Variants in TAF4B observed in about 807,000 individuals in gnomAD.
The protein encoded by TAF4B is TATA-box binding protein associated factor 4b.
A neutral mutation model predicts 86.4 loss-of-function variants in TAF4B; 38 were observed. The ratio of observed to expected loss-of-function variants is 0.44; its 90% CI spans 0.34 to 0.58. TAF4B has a LOEUF of 0.58. TAF4B is among the 20% of genes least tolerant of loss of function. The pLI is 0.02. For synonymous variants in TAF4B, 388 were observed against 391.2 expected (o/e 0.99, Z 0.10); for missense variants, 988 against 1,027.6 (o/e 0.96, Z 0.53).
intron 11 of TAF4B, among the ~76,000 whole-genome samples, chr18:26,322,767 C>G (rs1415933606): frequency 6.6e-6 from 1 of 151,706 alleles, no homozygotes; most frequent in Non-Finnish European, 1.5e-5. Flanking sequence ...ATATTATTTT[C>G]CTTCTAAGCT....
chr18:26,382,218 G>C (rs1012586622), intron 14 of TAF4B, among the ~76,000 whole-genome samples: 6 of 152,162 alleles, frequency 3.9e-5, no homozygotes, highest in African/African-American at 1.4e-4. Context: ...AAAATAATAG[G>C]TAAAACCGAT....
At chr18:26,268,988 G>T (rs1424647283) in intron 3 of TAF4B, among the ~76,000 whole-genome samples, 1 of 151,726 alleles carries the variant, frequency 6.6e-6, no homozygotes, top group East Asian at 1.9e-4. Context: ...ATGCCCAGCT[G>T]ATTTTTTGTA....
intron 13 of TAF4B, among the ~76,000 whole-genome samples, chr18:26,344,369 TA>T (rs530661553): frequency 1.5e-4 from 22 of 147,446 alleles, no homozygotes; most frequent in African/African-American, 4.3e-4. Context: ...TTTTTTTTTT[TA>T]AAAAAAAAGG....
chr18:26,361,587 A>G (rs1412904019), intron 14 of TAF4B, among the ~76,000 whole-genome samples: 1 of 151,814 alleles, frequency 6.6e-6, no homozygotes, highest in Non-Finnish European at 1.5e-5. Flanking sequence ...TCTACTAAAA[A>G]TACAAAAATT....
intron 1 of TAF4B, chr18:26,256,481 T>A (rs28376421): frequency 0.041 from 25,730 of 621,232 alleles, 1,263 homozygotes; most frequent in African/African-American, 0.15. Flanking sequence ...TGTTGATTTT[T>A]CTCAGTTGTT....
At chr18:26,315,780 G>A (rs117032868) in intron 10 of TAF4B, among the ~76,000 whole-genome samples, 1 of 152,010 alleles carries the variant, frequency 6.6e-6, no homozygotes, top group African/African-American at 2.4e-5. Context: ...TCCAAAGAAA[G>A]TAACTCCCTT....
At chr18:26,366,538 A>G (rs776335320) in intron 14 of TAF4B, 1 of 152,238 alleles carries the variant, frequency 6.6e-6, no homozygotes, top group African/African-American at 2.4e-5. Context: ...TATGTCTGCC[A>G]TGCTTATAAG....
intron 3 of TAF4B, among the ~76,000 whole-genome samples, chr18:26,268,077 C>A (rs1303456616): frequency 3.3e-5 from 5 of 152,176 alleles, no homozygotes; most frequent in African/African-American, 1.2e-4. Flanking sequence ...GCCTTAATTC[C>A]TACTCTCTGT....
At chr18:26,317,191 G>A (rs1332716385) in intron 10 of TAF4B, among the ~76,000 whole-genome samples, 2 of 151,782 alleles carry the variant, frequency 1.3e-5, no homozygotes, top group African/African-American at 2.4e-5. Flanking sequence ...TACCATGCCC[G>A]GCTAATTTTT....
intron 9 of TAF4B, among the ~76,000 whole-genome samples, chr18:26,313,131 A>AT (rs1028316096): frequency 1.3e-5 from 2 of 152,050 alleles, no homozygotes; most frequent in Non-Finnish European, 2.9e-5. Context: ...GAGCTGCATC[A>AT]TTTTTTTAAG....
At chr18:26,261,421 C>T (rs796209300) in intron 1 of TAF4B, among the ~76,000 whole-genome samples, 18 of 152,150 alleles carry the variant, frequency 1.2e-4, no homozygotes, top group African/African-American at 7.2e-5. Context: ...GGGATGGTCT[C>T]GATCTCCTGA....
At chr18:26,311,125 T>C (rs1568145454) in intron 9 of TAF4B, among the ~76,000 whole-genome samples, 1 of 152,272 alleles carries the variant, frequency 6.6e-6, no homozygotes, top group East Asian at 1.9e-4. Flanking sequence ...ATGATTAATA[T>C]GATCAATAAA....
At chr18:26,267,484 T>C in intron 2 of TAF4B, 32 bp from the exon 3 acceptor site, 2 of 1,447,200 alleles carry the variant, frequency 1.4e-6, no homozygotes, top group South Asian at 2.3e-5. Flanking sequence ...CGCTAATGAC[T>C]TTGTGTTATC....
chr18:26,385,679 G>GTTTTTTTTTTTTTTTT (rs34188640), intron 14 of TAF4B, among the ~76,000 whole-genome samples: 2 of 109,786 alleles, frequency 1.8e-5, no homozygotes. Context: ...AATAAACAGC[G>GTTTTTTTTTTTTTTTT]TTTTTTTTTT....
At chr18:26,242,286 A>G (rs993715685) in intron 1 of TAF4B, among the ~76,000 whole-genome samples, 30 of 152,100 alleles carry the variant, frequency 2.0e-4, no homozygotes, top group Non-Finnish European at 4.0e-4. Context: ...GGGTGCATAT[A>G]TATTTAGGAT....
At chr18:26,234,462 T>C (rs1237227010) in intron 1 of TAF4B, among the ~76,000 whole-genome samples, 2 of 152,244 alleles carry the variant, frequency 1.3e-5, no homozygotes, top group East Asian at 1.9e-4. Flanking sequence ...TTGCTATCTG[T>C]ATACACATTT....
At chr18:26,229,492 TTC>T (rs1370248485) in intron 1 of TAF4B, among the ~76,000 whole-genome samples, 2 of 115,434 alleles carry the variant, frequency 1.7e-5, no homozygotes, top group Non-Finnish European at 3.7e-5. Flanking sequence ...CTTTCTTTCT[TTC>T]TTTTTTTTTT....
At position 26,226,464 on chromosome 18, in the gene TAF4B, T is replaced by C. The variant is rs114166957; in HGVS notation, c.-470T>C. On this transcript the variant is annotated 5_prime_UTR_variant, in exon 1 of 15. Coordinates refer to ENST00000269142, the MANE Select transcript of TAF4B (RefSeq NM_005640.3). ...CTCCGCGTGGCTATATAAACATGGCTGGCGTGGCCGCGCGGCGGGGCCGTG... is the reference window on the plus strand; with the variant it reads ...CTCCGCGTGGCTATATAAACATGGCCGGCGTGGCCGCGCGGCGGGGCCGTG... 1,468 of 152,682 alleles carry C rather than the reference T, an allele frequency of 9.6e-3. 12 individuals carry two copies. The highest frequency in any genetic ancestry group is 0.033 in the African/African-American group (1,363 of 41,562). 9.5% of individuals were successfully genotyped at this position (152,682 alleles called of 1,614,324 possible).
At chr18:26,299,156 C>T (rs1321047356) in intron 9 of TAF4B, among the ~76,000 whole-genome samples, 1 of 151,940 alleles carries the variant, frequency 6.6e-6, no homozygotes, top group Non-Finnish European at 1.5e-5. Flanking sequence ...CCACCATGCC[C>T]AGCCCTTTTT....
Sources: allele counts gnomAD v4.1 joint callset (sites outside exome capture counted in the v4.1 genomes callset), GRCh38; gene constraint gnomAD v4.1.1; transcripts MANE v1.5; gene names NCBI Gene and HGNC (gene_info 2026-07-23, HGNC 2026-07-21).